GPC6: variants seen among roughly 807,000 people sequenced by gnomAD.
The protein encoded by GPC6 is glypican 6.
GPC6 carries 14 observed loss-of-function variants against 55.2 expected under a neutral mutation model. The observed-to-expected ratio is 0.25, with a 90% confidence interval of 0.17 to 0.40. The LOEUF (loss-of-function observed/expected upper bound fraction) is 0.40, where lower values mean the gene tolerates loss of function less well. GPC6 is among the 10% of genes least tolerant of loss of function. The pLI is 1.00. For synonymous variants in GPC6, 278 were observed against 259.6 expected (o/e 1.07, Z -0.68); for missense variants, 641 against 708.5 (o/e 0.90, Z 1.08).
At chr13:93,332,408 T>C (rs1421812654) in intron 1 of GPC6, among the ~76,000 whole-genome samples, 1 of 152,072 alleles carries the variant, frequency 6.6e-6, no homozygotes, top group East Asian at 1.9e-4. Context: ...ATAGCCATTT[T>C]AACTGGGGTG....
chr13:93,629,111 G>A (rs958431583), intron 2 of GPC6, among the ~76,000 whole-genome samples: 2 of 151,074 alleles, frequency 1.3e-5, no homozygotes, highest in African/African-American at 4.9e-5. Flanking sequence ...TACTTCAAAT[G>A]ACTTTTTAAG....
At chr13:93,492,839 T>C (rs1192954794) in intron 1 of GPC6, among the ~76,000 whole-genome samples, 1 of 150,366 alleles carries the variant, frequency 6.7e-6, no homozygotes, top group African/African-American at 2.5e-5. Context: ...GATTGGCATA[T>C]ATTGAACCAG....
At chr13:93,559,813 G>C (rs1409884398) in intron 2 of GPC6, among the ~76,000 whole-genome samples, 2 of 152,214 alleles carry the variant, frequency 1.3e-5, no homozygotes, top group African/African-American at 2.4e-5. Context: ...GGGTACCCTT[G>C]GCATGATGCC....
chr13:93,576,038 C>A (rs969015817), intron 2 of GPC6, among the ~76,000 whole-genome samples: 1 of 152,086 alleles, frequency 6.6e-6, no homozygotes, highest in East Asian at 1.9e-4. Flanking sequence ...TTTTTGGAAT[C>A]AAGACTTACC....
intron 7 of GPC6, among the ~76,000 whole-genome samples, chr13:94,389,734 T>C (rs150319458): frequency 1.7e-3 from 263 of 152,306 alleles, no homozygotes; most frequent in African/African-American, 6.0e-3. Flanking sequence ...TGTTATCTGA[T>C]AGGACATAAA....
intron 1 of GPC6, among the ~76,000 whole-genome samples, chr13:93,311,182 A>T (rs2139108555): frequency 6.6e-6 from 1 of 152,310 alleles, no homozygotes; most frequent in African/African-American, 2.4e-5. Flanking sequence ...TATGGAGGAA[A>T]TTTTGACACC....
the GPC6 span, among the ~76,000 whole-genome samples, chr13:93,219,296 G>A: frequency 9.2e-5 from 14 of 152,160 alleles, no homozygotes; most frequent in South Asian, 2.9e-3. Context: ...GTTTCACCAT[G>A]TTGGCCAGGC....
intron 2 of GPC6, among the ~76,000 whole-genome samples, chr13:93,555,574 T>C (rs1436491023): frequency 6.6e-6 from 1 of 152,158 alleles, no homozygotes; most frequent in East Asian, 1.9e-4. Context: ...ATCAGCAGCA[T>C]TGGTTCCAGT....
At chr13:93,974,385 T>G (rs926644924) in intron 3 of GPC6, among the ~76,000 whole-genome samples, 3 of 152,210 alleles carry the variant, frequency 2.0e-5, no homozygotes, top group African/African-American at 7.2e-5. Flanking sequence ...AAATGATGAT[T>G]TTTAAGGTTT....
intron 4 of GPC6, among the ~76,000 whole-genome samples, chr13:94,085,382 T>C (rs1420453634): frequency 6.6e-6 from 1 of 151,698 alleles, no homozygotes; most frequent in Non-Finnish European, 1.5e-5. Flanking sequence ...AATAATTTGT[T>C]TGTCTTGGCC....
At chr13:93,815,775 G>A (rs1434266217) in intron 2 of GPC6, among the ~76,000 whole-genome samples, 1 of 152,046 alleles carries the variant, frequency 6.6e-6, no homozygotes, top group Non-Finnish European at 1.5e-5. Flanking sequence ...TCTATTGTTT[G>A]TTTATTCATC....
chr13:93,578,403 A>G (rs1269980275), intron 2 of GPC6, among the ~76,000 whole-genome samples: 2 of 151,478 alleles, frequency 1.3e-5, no homozygotes, highest in Non-Finnish European at 2.9e-5. Flanking sequence ...GAAATTTTCT[A>G]TTTCTTCATA....
At chr13:94,173,238 G>A (rs922735035) in intron 4 of GPC6, among the ~76,000 whole-genome samples, 3 of 152,130 alleles carry the variant, frequency 2.0e-5, no homozygotes, top group African/African-American at 7.2e-5. Flanking sequence ...ACTATATAAA[G>A]AATGGCACAA....
chr13:94,332,099 G>A (rs546295440), intron 6 of GPC6, among the ~76,000 whole-genome samples: 99 of 152,260 alleles, frequency 6.5e-4, no homozygotes, highest in South Asian at 5.6e-3. Flanking sequence ...GAATCTCCCC[G>A]AACAGGTTCT....
intron 1 of GPC6, among the ~76,000 whole-genome samples, chr13:93,319,483 A>C (rs993145926): frequency 6.6e-6 from 1 of 152,166 alleles, no homozygotes; most frequent in African/African-American, 2.4e-5. Flanking sequence ...ATGTGATGCT[A>C]TTACTGTCAG....
At chr13:93,439,890 T>A (rs1877723468) in intron 1 of GPC6, among the ~76,000 whole-genome samples, 1 of 152,110 alleles carries the variant, frequency 6.6e-6, no homozygotes, top group Non-Finnish European at 1.5e-5. Flanking sequence ...GTTTAACCTC[T>A]CTAAGCCTTA....
intron 1 of GPC6, among the ~76,000 whole-genome samples, chr13:93,367,766 T>C (rs907375135): frequency 6.6e-6 from 1 of 151,828 alleles, no homozygotes; most frequent in African/African-American, 2.4e-5. Flanking sequence ...ATTCTTGATT[T>C]CTAGTTTGAA....
intron 2 of GPC6, among the ~76,000 whole-genome samples, chr13:93,728,371 C>G (rs180812122): frequency 6.6e-6 from 1 of 151,288 alleles, no homozygotes; most frequent in South Asian, 2.1e-4. Context: ...CCTACCACCA[C>G]GCCTGGCTAA....
upstream of GPC6, among the ~76,000 whole-genome samples, chr13:93,224,041 A>AG (rs1311268275): frequency 5.1e-4 from 77 of 151,420 alleles, no homozygotes; most frequent in African/African-American, 1.8e-3. Context: ...CTGGGACTGC[A>AG]GTGCCGGCCA....
Sources: allele counts gnomAD v4.1 joint callset (sites outside exome capture counted in the v4.1 genomes callset), GRCh38; gene constraint gnomAD v4.1.1; transcripts MANE v1.5; gene names NCBI Gene and HGNC (gene_info 2026-07-23, HGNC 2026-07-21).